POTEF: variants seen among roughly 807,000 people sequenced by gnomAD.
POTEF encodes POTE ankyrin domain family member F.
POTEF carries 20 observed loss-of-function variants against 83.2 expected under a neutral mutation model. That is an observed-to-expected ratio of 0.24 (90% confidence interval 0.17 to 0.35). The LOEUF (loss-of-function observed/expected upper bound fraction) is 0.35, where lower values mean the gene tolerates loss of function less well. POTEF is among the 10% of genes least tolerant of loss of function. The pLI, the probability that POTEF is intolerant of heterozygous loss-of-function variation, is 1.00. For synonymous variants in POTEF, 196 were observed against 446.4 expected (o/e 0.44, Z 7.07); for missense variants, 550 against 1,203.2 (o/e 0.46, Z 8.03).
rs1169575477 is a variant in POTEF, at chr2:130,073,899, T to C, written c.*345A>G. 6.6e-6 allele frequency: 3 copies of C among 457,474 alleles called. No homozygotes were observed. The highest frequency in any genetic ancestry group is 3.6e-5 in the Admixed American group (1 of 27,610). The allele number at this position is 457,474 out of a possible 1,614,324, so 28.3% of individuals were successfully genotyped here. ...ATGCTATCACCTCCCCTGTGTGAAC[T>C]AGGGAGAGGACTGGGCCATTCTCCT... On this transcript the variant is annotated 3_prime_UTR_variant, in exon 17 of 17. Transcript: ENST00000409914.
intron 11 of POTEF, among the ~76,000 whole-genome samples, chr2:130,096,638 C>T (rs1174638432): frequency 6.6e-6 from 1 of 152,280 alleles, no homozygotes; most frequent in South Asian, 2.1e-4. Context: ...CTAGCATATA[C>T]ACAATAGAAA....
rs1370959541 is a variant in POTEF, at chr2:130,075,465, G to A, written c.2007C>T (p.Ser669=). The A allele has an allele frequency of 6.2e-7, 1 of 1,611,120 alleles. No homozygotes were observed. The highest frequency in any genetic ancestry group is 8.5e-7 in the Non-Finnish European group (1 of 1,179,602). ...RLELDTMKHQ[S]QLREKKYLED... The stretch of plus-strand genomic sequence containing the variant: ...CCAAATATTTCTTTTCTCTTAGCTG[G>A]CTCTGATGTTTCATTGTGTCTAGCT... The change falls in exon 17 of 17, where the codon AGC becomes AGT. Residue 669 remains serine, a synonymous_variant. Coordinates refer to ENST00000409914, the MANE Select transcript of POTEF (RefSeq NM_001099771.2).
At chr2:130,100,823 G>C in intron 9 of POTEF, 103 bp from the exon 10 acceptor site, 4 of 1,166,910 alleles carry the variant, frequency 3.4e-6, no homozygotes, top group Non-Finnish European at 4.5e-6. Context: ...AACTAATCAA[G>C]TATGGACAAT....
Position 130,080,151 on chromosome 2 carries a change from G to C in POTEF, c.1779-2950C>G, listed in dbSNP as rs1198628919. Among the ~76,000 whole-genome samples, 6 of 29,988 alleles carry C rather than the reference G, an allele frequency of 2.0e-4. 1 individual carries two copies. Among genetic ancestry groups the C allele is most frequent in the Non-Finnish European group, 2.7e-4 (4 of 14,746 alleles). The allele number at this position is 29,988 out of a possible 152,430, so 19.7% of individuals were successfully genotyped here. A position where few individuals can be genotyped will look rare whatever the true frequency, so the allele number is the denominator to read the frequency against. On this transcript the variant is annotated intron_variant, in intron 15 of 16. Coordinates refer to ENST00000409914, the MANE Select transcript of POTEF (RefSeq NM_001099771.2). ...ACACAAAGCCAAACTATTGCGGGGG[G>C]GGGGGGGGGTTATCCTTATTTTTAA...
intron 8 of POTEF, among the ~76,000 whole-genome samples, chr2:130,103,644 C>T (rs13405879): frequency 0.015 from 2,242 of 150,470 alleles, 138 homozygotes; most frequent in African/African-American, 0.053. Flanking sequence ...TTATTGAGTC[C>T]TGCTAAATAC....
At chr2:130,121,012 T>A (rs1250842533) in intron 2 of POTEF, 1 of 221,616 alleles carries the variant, frequency 4.5e-6, no homozygotes, top group East Asian at 1.2e-4. Context: ...GTTACGCGCG[T>A]GCGGCGTGCG....
At chr2:130,108,840 G>A (rs897878853) in intron 7 of POTEF, among the ~76,000 whole-genome samples, 23 of 149,178 alleles carry the variant, frequency 1.5e-4, no homozygotes, top group Non-Finnish European at 2.7e-4. Flanking sequence ...GACCTGACTT[G>A]GACCAACGAT....
intron 7 of POTEF, 64 bp downstream of exon 7, chr2:130,110,479 C>A: frequency 1.7e-6 from 2 of 1,147,174 alleles, no homozygotes; most frequent in Non-Finnish European, 2.4e-6. Flanking sequence ...ATGTGAGATG[C>A]AACTGTTATA....
intron 8 of POTEF, among the ~76,000 whole-genome samples, chr2:130,105,887 C>G (rs1015271764): frequency 6.7e-6 from 1 of 148,940 alleles, no homozygotes; most frequent in East Asian, 1.9e-4. Flanking sequence ...CCCAATCCCC[C>G]TCCTCAGCCT....
chr2:130,078,035 C>A (rs1441933421), intron 15 of POTEF, among the ~76,000 whole-genome samples: 9 of 94,168 alleles, frequency 9.6e-5, no homozygotes, highest in Admixed American at 2.7e-4. Context: ...ATAAACTCAT[C>A]GTTAAGCACT....
At position 130,102,783 on chromosome 2, in the gene POTEF, T is replaced by A. The variant is rs3990568; in HGVS notation, c.1127-603A>T. 3.2e-3 allele frequency among the ~76,000 whole-genome samples: 492 copies of A among 151,722 alleles called. 19 individuals carry two copies. Among genetic ancestry groups the A allele is most frequent in the African/African-American group, 0.012 (472 of 41,016 alleles). On this transcript the variant is annotated intron_variant, in intron 8 of 16. Transcript: ENST00000409914. ...CAATGCAGCTGCAAGGTCATAAGCTTTGCTGAGGTTGCAAAACTGTCACTA... is the reference window on the plus strand; with the variant it reads ...CAATGCAGCTGCAAGGTCATAAGCTATGCTGAGGTTGCAAAACTGTCACTA...
At chr2:130,109,242 T>C (rs1684635388) in intron 7 of POTEF, 1 of 147,832 alleles carries the variant, frequency 6.8e-6, no homozygotes, top group Non-Finnish European at 1.5e-5. Context: ...CCTGCCTCCT[T>C]ATGCAGAAGC....
intron 11 of POTEF, among the ~76,000 whole-genome samples, chr2:130,098,178 AGAGT>A (rs1684296380): frequency 1.0e-5 from 1 of 95,504 alleles, no homozygotes; most frequent in African/African-American, 4.8e-5. Flanking sequence ...CCTGGGAAAC[AGAGT>A]GAGACCCTGT....
chr2:130,076,617 C>G (rs927705642), intron 16 of POTEF, among the ~76,000 whole-genome samples: 1 of 141,582 alleles, frequency 7.1e-6, no homozygotes, highest in African/African-American at 2.8e-5. Context: ...AAATGAGAAA[C>G]TACTTGGAGC....
Position 130,074,182 on chromosome 2 carries a change from TTG to T in POTEF, c.*60_*61del. The T allele has an allele frequency of 6.4e-7, 1 of 1,561,732 alleles. No individual in the cohort carries two copies. The highest frequency in any genetic ancestry group is 8.7e-7 in the Non-Finnish European group (1 of 1,153,858). On this transcript the variant is annotated 3_prime_UTR_variant, in exon 17 of 17. Transcript: ENST00000409914. The stretch of plus-strand genomic sequence containing the variant: ...CAAATAAAGCCATGCCAATCTCATG[TTG>T]TTTTCTGAGAAGTTTGGTTTTGTCA...
At chr2:130,126,406 CG>C (rs1685094673) in intron 2 of POTEF, among the ~76,000 whole-genome samples, 1 of 152,032 alleles carries the variant, frequency 6.6e-6, no homozygotes, top group Non-Finnish European at 1.5e-5. Context: ...GAACTTACCC[CG>C]TGACTCCTGC....
chr2:130,105,819 T>C (rs1318367255), intron 8 of POTEF, among the ~76,000 whole-genome samples: 1 of 147,730 alleles, frequency 6.8e-6, no homozygotes, highest in Non-Finnish European at 1.5e-5. Flanking sequence ...TCCCTATCAA[T>C]AGCCATTCCT....
chr2:130,125,704 T>C (rs1685076114), intron 2 of POTEF, among the ~76,000 whole-genome samples: 1 of 152,020 alleles, frequency 6.6e-6, no homozygotes, highest in Admixed American at 6.5e-5. Context: ...TCAGGTGTTC[T>C]AGGCCAGCCT....
intron 3 of POTEF, among the ~76,000 whole-genome samples, chr2:130,116,016 T>A (rs1490347740): frequency 1.3e-5 from 2 of 152,050 alleles, no homozygotes; most frequent in Admixed American, 6.5e-5. Context: ...TTACATGAAG[T>A]AGAATATGTT....
Sources: allele counts gnomAD v4.1 joint callset (sites outside exome capture counted in the v4.1 genomes callset), GRCh38; gene constraint gnomAD v4.1.1; transcripts MANE v1.5; gene names NCBI Gene and HGNC (gene_info 2026-07-23, HGNC 2026-07-21).